The following PRICKLE2 variants were observed in gnomAD, a reference collection of about 807,000 sequenced individuals.
The protein encoded by PRICKLE2 is prickle-like protein 2.
In PRICKLE2, 21 loss-of-function variants were observed where a neutral mutation model predicts 81.4. The observed-to-expected ratio is 0.26, with a 90% CI of 0.18 to 0.37. PRICKLE2 has a LOEUF of 0.37. Among genes scored for constraint, PRICKLE2 ranks in the 10% least tolerant of loss-of-function variants. The probability of loss-of-function intolerance (pLI) is 1.00; values close to 1 mark genes in which losing one functional copy is unlikely to be tolerated. For missense variants in PRICKLE2, 940 were observed against 1,109.0 expected, an observed-to-expected ratio of 0.85 and a Z score of 2.16; for synonymous variants, 456 against 421.5, an observed-to-expected ratio of 1.08 and a Z score of -1.00.
intron 7 of PRICKLE2, among the ~76,000 whole-genome samples, chr3:64,137,769 G>A (rs1470712516): frequency 6.6e-6 from 1 of 152,140 alleles, no homozygotes; most frequent in Admixed American, 6.6e-5. Flanking sequence ...CTTTCACTCT[G>A]CTGGTTTTCA....
intron 2 of PRICKLE2, 175 bp from the exon 3 acceptor site, chr3:64,163,304 A>G: frequency 1.5e-6 from 1 of 656,200 alleles, no homozygotes. Flanking sequence ...TTCATCCTTA[A>G]AGCAAGAGTC....
chr3:64,101,478 G>C (rs1157552663), intron 7 of PRICKLE2: 2 of 152,132 alleles, frequency 1.3e-5, no homozygotes, highest in East Asian at 3.8e-4. Context: ...ATATGGCAGG[G>C]GTTTGTCAGA....
At chr3:64,195,089 A>G (rs1221370788) in intron 2 of PRICKLE2, among the ~76,000 whole-genome samples, 1 of 152,166 alleles carries the variant, frequency 6.6e-6, no homozygotes, top group Non-Finnish European at 1.5e-5. Flanking sequence ...CAGATGATCA[A>G]CTAGGGGCAT....
intron 2 of PRICKLE2, among the ~76,000 whole-genome samples, chr3:64,255,303 T>C (rs1360495975): frequency 6.6e-6 from 1 of 152,182 alleles, no homozygotes; most frequent in East Asian, 1.9e-4. Flanking sequence ...AATCTCAAGA[T>C]TTGCATTTAT....
intron 5 of PRICKLE2, among the ~76,000 whole-genome samples, chr3:64,156,479 C>CT: frequency 6.6e-6 from 1 of 152,164 alleles, no homozygotes; most frequent in East Asian, 1.9e-4. Context: ...TTAGAACATT[C>CT]TTTTTTCTGC....
intron 2 of PRICKLE2, among the ~76,000 whole-genome samples, chr3:64,263,858 A>G (rs931645922): frequency 1.5e-4 from 23 of 152,128 alleles, no homozygotes; most frequent in African/African-American, 5.3e-4. Flanking sequence ...AACACTCCTC[A>G]AGTTGTTGCC....
In PRICKLE2 at chr3:64,112,073, C is replaced by CAACT. The variant is rs2076857002; in HGVS notation, c.1661-12149_1661-12148insAGTT. 3.3e-5 allele frequency among the ~76,000 whole-genome samples: 5 copies of CAACT among 152,166 alleles called. No individual in the cohort carries two copies. The South Asian group carries it at 1.0e-3, about 32-fold the overall frequency. On this transcript the variant is annotated intron_variant, in intron 7 of 7. Transcript: ENST00000638394. ...GTATGGCTGGCACACATGGTTCCAC[C>CAACT]TGGTGGCCAACACACTAAGCTTTTT...
chr3:64,200,449 A>ATTTGT (rs1175020162), intron 1 of PRICKLE2: 1 of 151,866 alleles, frequency 6.6e-6, no homozygotes, highest in South Asian at 2.1e-4. Context: ...TTGTGTGGAT[A>ATTTGT]TTTGTTTTGT....
intron 2 of PRICKLE2, among the ~76,000 whole-genome samples, chr3:64,180,285 A>G (rs1575627836): frequency 6.6e-6 from 1 of 152,202 alleles, no homozygotes; most frequent in East Asian, 1.9e-4. Flanking sequence ...AGAGTTATCT[A>G]TGTATGTATG....
chr3:64,169,036 A>G (rs1259356545), intron 2 of PRICKLE2, among the ~76,000 whole-genome samples: 1 of 152,094 alleles, frequency 6.6e-6, no homozygotes, highest in East Asian at 1.9e-4. Flanking sequence ...GAGCATCAAT[A>G]TACTCAGCTA....
At chr3:64,108,579 G>C (rs565936839) in intron 7 of PRICKLE2, among the ~76,000 whole-genome samples, 2 of 152,266 alleles carry the variant, frequency 1.3e-5, no homozygotes, top group East Asian at 3.9e-4. Context: ...TCGAAAGTGT[G>C]ATCTGTGGAC....
intron 3 of PRICKLE2, among the ~76,000 whole-genome samples, 179 bp downstream of exon 3, chr3:64,162,837 A>G (rs945096132): frequency 6.6e-5 from 10 of 152,184 alleles, no homozygotes; most frequent in African/African-American, 2.4e-4. Context: ...TTTTTTAGTA[A>G]TACTCTCTAG....
chr3:64,142,038 T>C (rs181329995), intron 7 of PRICKLE2: 203 of 734,820 alleles, frequency 2.8e-4, no homozygotes, highest in Non-Finnish European at 3.2e-4. Flanking sequence ...ATGTAAACAG[T>C]GAGGGACAGC....
chr3:64,117,162 A>G (rs1653067223), intron 7 of PRICKLE2, among the ~76,000 whole-genome samples: 1 of 152,222 alleles, frequency 6.6e-6, no homozygotes, highest in Non-Finnish European at 1.5e-5. Flanking sequence ...TTCTCATGTA[A>G]AAAACTTTCA....
chr3:64,107,323 A>G (rs767827490), intron 7 of PRICKLE2, among the ~76,000 whole-genome samples: 2 of 152,204 alleles, frequency 1.3e-5, no homozygotes, highest in South Asian at 4.1e-4. Context: ...GAGAAAATCA[A>G]TGTTCTTCAA....
chr3:64,105,562 C>G (rs1575540420), intron 7 of PRICKLE2, among the ~76,000 whole-genome samples: 1 of 152,342 alleles, frequency 6.6e-6, no homozygotes, highest in Non-Finnish European at 1.5e-5. Flanking sequence ...CATGATCACA[C>G]CTGTCAATCT....
At chr3:64,176,643 T>A (rs1477749501) in intron 2 of PRICKLE2, among the ~76,000 whole-genome samples, 4 of 152,192 alleles carry the variant, frequency 2.6e-5, no homozygotes, top group African/African-American at 9.7e-5. Context: ...CATTTTAGAA[T>A]ACAGGTAACC....
At chr3:64,167,909 T>G (rs1023746947) in intron 2 of PRICKLE2, among the ~76,000 whole-genome samples, 1 of 152,168 alleles carries the variant, frequency 6.6e-6, no homozygotes, top group South Asian at 2.1e-4. Context: ...GAACACACTT[T>G]GTGAGTTTTA....
chr3:64,163,913 G>GTAC (rs1286515476), intron 2 of PRICKLE2: 1 of 122,678 alleles, frequency 8.2e-6, no homozygotes, highest in East Asian at 2.5e-4. Flanking sequence ...CAGAAGGTAT[G>GTAC]TTATTATATA....
Sources: allele counts gnomAD v4.1 joint callset (sites outside exome capture counted in the v4.1 genomes callset), GRCh38; gene constraint gnomAD v4.1.1; transcripts MANE v1.5; gene names NCBI Gene and HGNC (gene_info 2026-07-23, HGNC 2026-07-21).